NEDD9: variants seen among roughly 807,000 people sequenced by gnomAD.
The protein encoded by NEDD9 is neural precursor cell expressed, developmentally down-regulated 9.
A neutral mutation model predicts 76.6 loss-of-function variants in NEDD9; 26 were observed. The observed-to-expected ratio is 0.34, with a 90% CI of 0.25 to 0.47. The LOEUF (loss-of-function observed/expected upper bound fraction) is 0.47, where lower values mean the gene tolerates loss of function less well. Among genes scored for constraint, NEDD9 ranks in the 20% least tolerant of loss-of-function variants. The probability of loss-of-function intolerance (pLI) is 1.00; values close to 1 mark genes in which losing one functional copy is unlikely to be tolerated. For missense variants in NEDD9, 937 were observed against 1,058.5 expected (o/e 0.89, Z 1.59); for synonymous variants, 392 against 414.2 (o/e 0.95, Z 0.65).
chr6:11,363,301 G>A (rs987103812), intron 1 of NEDD9, among the ~76,000 whole-genome samples: 3 of 152,160 alleles, frequency 2.0e-5, no homozygotes, highest in African/African-American at 7.2e-5. Context: ...GGGAGAAGTA[G>A]GTGGGAGAAA....
Position 11,370,284 on chromosome 6 carries a change from C to A in NEDD9, c.-214+11855G>T, listed in dbSNP as rs541816710. Among the ~76,000 whole-genome samples the A allele has an allele frequency of 6.6e-6, 1 of 152,300 alleles. No homozygotes were observed. Among genetic ancestry groups the A allele is most frequent in the East Asian group, 1.9e-4 (1 of 5,190 alleles). On this transcript the variant is annotated intron_variant, in intron 1 of 3. Coordinates refer to the NEDD9 transcript ENST00000397378. This position sits in a 1 kb window ranked among gnomAD's most constrained non-coding sequence, Gnocchi z 4.2. ...TGAAGCAAGAAGTGAGGAACATTGTCTTTGAAAAATGCTCTGACCAAAACC... is the reference window on the plus strand; with the variant it reads ...TGAAGCAAGAAGTGAGGAACATTGTATTTGAAAAATGCTCTGACCAAAACC...
chr6:11,204,576 C>T (rs928733125), intron 2 of NEDD9, among the ~76,000 whole-genome samples: 1 of 151,862 alleles, frequency 6.6e-6, no homozygotes. Context: ...AAAAATTAGC[C>T]AGGCATGGTA....
chr6:11,263,353 C>T lies in NEDD9; in HGVS notation c.12+42639G>A, dbSNP rs138336393. Among the ~76,000 whole-genome samples, 104 of 152,296 alleles carry T rather than the reference C, an allele frequency of 6.8e-4. 1 individual carries two copies. In the East Asian group the frequency reaches 0.019, roughly 27 times the overall value. ...ACAGACTGAAGGCAAAATGCCTTCT[C>T]TTGGTAGACAGACTGTATTCTAACC... On this transcript the variant is annotated intron_variant, in intron 3 of 3. Transcript: ENST00000397378.
intron 2 of NEDD9, among the ~76,000 whole-genome samples, chr6:11,209,970 C>CTTTTTTTTTTTTTTTTTTTTT (rs752612102): frequency 7.6e-6 from 1 of 131,070 alleles, no homozygotes; most frequent in Non-Finnish European, 1.6e-5. Context: ...AATTCACTGT[C>CTTTTTTTTTTTTTTTTTTTTT]TTTTTTTTTT....
At position 11,185,638 on chromosome 6, in the gene NEDD9, T is replaced by TA; in HGVS notation, c.2028dup (p.Thr677TyrfsTer7). ...GAGATGTCATTCTCCACGGGCTTTGTAATCTCTTGTTCCAACAGCTGGAAC... is the reference window on the plus strand; with the variant it reads ...GAGATGTCATTCTCCACGGGCTTTGTAAATCTCTTGTTCCAACAGCTGGAAC... On this transcript the variant is annotated frameshift_variant, in exon 7 of 7. Coordinates refer to ENST00000379446, the MANE Select transcript of NEDD9 (RefSeq NM_006403.4). LOFTEE classifies it high-confidence loss of function. The TA allele has an allele frequency of 6.2e-7, 1 of 1,614,232 alleles. No individual in the cohort carries two copies. The highest frequency in any genetic ancestry group is 8.5e-7 in the Non-Finnish European group (1 of 1,180,054).
At chr6:11,205,091 G>A (rs965607087) in intron 2 of NEDD9, among the ~76,000 whole-genome samples, 3 of 152,160 alleles carry the variant, frequency 2.0e-5, no homozygotes, top group Non-Finnish European at 4.4e-5. Flanking sequence ...TCCTTCAGCC[G>A]GGATGTAAAA....
intron 6 of NEDD9, among the ~76,000 whole-genome samples, chr6:11,185,880 A>G (rs1757968459): frequency 6.6e-6 from 1 of 152,218 alleles, no homozygotes; most frequent in South Asian, 2.1e-4. Context: ...CAGACCTTCT[A>G]TGATTGGACT....
intron 3 of NEDD9, among the ~76,000 whole-genome samples, chr6:11,259,928 C>T (rs548972364): frequency 1.1e-4 from 2 of 18,378 alleles, no homozygotes; most frequent in Admixed American, 5.4e-4. Flanking sequence ...TGCTTGACTG[C>T]GCCCTTAACA....
intron 1 of NEDD9, among the ~76,000 whole-genome samples, chr6:11,379,111 C>G (rs1012872717): frequency 6.6e-6 from 1 of 152,192 alleles, no homozygotes; most frequent in Non-Finnish European, 1.5e-5. Flanking sequence ...CATACAATTC[C>G]AGCCCAGTGG....
At chr6:11,307,760 T>TTAAATTTATGCCACC (rs1761231196) in intron 2 of NEDD9, among the ~76,000 whole-genome samples, 1 of 152,094 alleles carries the variant, frequency 6.6e-6, no homozygotes, top group Non-Finnish European at 1.5e-5. Context: ...GCCACCCAGG[T>TTAAATTTATGCCACC]CAAGACATAG....
At chr6:11,305,839 G>T (rs115899300) in intron 3 of NEDD9, 5 of 886,154 alleles carry the variant, frequency 5.6e-6, no homozygotes, top group Non-Finnish European at 9.0e-6. Context: ...GCAAAATCTG[G>T]CAGTCTAAAC....
chr6:11,225,613 T>C (rs949509110), intron 1 of NEDD9, among the ~76,000 whole-genome samples: 1 of 152,192 alleles, frequency 6.6e-6, no homozygotes, highest in Admixed American at 6.5e-5. Context: ...GCCATTCTCC[T>C]GCCTTAGCCT....
Position 11,183,842 on chromosome 6 carries a change from C to T in NEDD9, c.*1320G>A, listed in dbSNP as rs1416018158. On this transcript the variant is annotated 3_prime_UTR_variant, in exon 7 of 7. Transcript: ENST00000379446. ...AAAGATCATAGATAATGTGCTTCTT[C>T]TCTTGGTAATATGTGAATACATTTA... 1.3e-5 allele frequency: 2 copies of T among 152,218 alleles called. No individual in the cohort carries two copies. Among genetic ancestry groups the T allele is most frequent in the African/African-American group, 2.4e-5 (1 of 41,434 alleles). The allele number at this position is 152,218 out of a possible 1,614,324, so 9.4% of individuals were successfully genotyped here. A position where few individuals can be genotyped will look rare whatever the true frequency, so the allele number is the denominator to read the frequency against.
intron 3 of NEDD9, among the ~76,000 whole-genome samples, chr6:11,303,558 C>G (rs1400767778): frequency 3.9e-5 from 6 of 152,062 alleles, no homozygotes; most frequent in Non-Finnish European, 5.9e-5. Flanking sequence ...TGACTTCAAA[C>G]TATACTACAA....
chr6:11,323,541 G>A (rs77586185), intron 2 of NEDD9, among the ~76,000 whole-genome samples: 10,322 of 152,240 alleles, frequency 0.068, 519 homozygotes, highest in Admixed American at 0.16. Context: ...GTAGGGAAAG[G>A]GGGTTGCTAC....
intron 1 of NEDD9, among the ~76,000 whole-genome samples, chr6:11,364,774 C>T (rs1274474314): frequency 6.6e-6 from 1 of 152,136 alleles, no homozygotes; most frequent in African/African-American, 2.4e-5. Flanking sequence ...CATTTTTCGC[C>T]ATCCCACTAA....
chr6:11,196,371 T>C (rs1182872375), intron 2 of NEDD9, among the ~76,000 whole-genome samples: 1 of 152,042 alleles, frequency 6.6e-6, no homozygotes, highest in Admixed American at 6.5e-5. Flanking sequence ...GTGGGTGGCG[T>C]TGGTGTCTGA....
At chr6:11,321,415 C>T (rs1561833972) in intron 2 of NEDD9, among the ~76,000 whole-genome samples, 1 of 152,162 alleles carries the variant, frequency 6.6e-6, no homozygotes, top group Non-Finnish European at 1.5e-5. Flanking sequence ...ATTCAAAATG[C>T]CGTGAGCCCA....
intron 2 of NEDD9, 116 bp from the exon 3 acceptor site, chr6:11,193,808 C>A: frequency 1.6e-6 from 1 of 619,790 alleles, no homozygotes; most frequent in South Asian, 2.4e-5. Flanking sequence ...AGAAAGAAAC[C>A]AAAGAAAGAA....
Sources: gnomAD v4.1 joint callset for allele counts (sites outside exome capture counted in the v4.1 genomes callset) on GRCh38, gnomAD v4.1.1 for gene constraint, Gnocchi (gnomAD v3.1) non-coding constraint, MANE v1.5 for transcripts, NCBI Gene and HGNC (gene_info 2026-07-23, HGNC 2026-07-21) for gene names.